Variants in DNAJA4 observed in about 807,000 individuals in gnomAD.
DNAJA4 encodes DnaJ heat shock protein family (Hsp40) member A4, also known as dnaJ homolog subfamily A member 4.
Under a neutral mutation model 39.7 loss-of-function variants are expected in DNAJA4, and 32 were observed. That is an observed-to-expected ratio of 0.81 (90% confidence interval 0.61 to 1.08). DNAJA4 has a LOEUF of 1.08. Among genes scored for constraint, DNAJA4 ranks in the 50% least tolerant of loss-of-function variants. The pLI is 0.00. For missense variants in DNAJA4, 439 were observed against 505.1 expected (o/e 0.87, Z 1.25); for synonymous variants, 184 against 182.4 (o/e 1.01, Z -0.07).
chr15:78,272,703 C>T (rs532573256), intron 2 of DNAJA4, among the ~76,000 whole-genome samples: 14 of 152,340 alleles, frequency 9.2e-5, no homozygotes, highest in African/African-American at 2.9e-4. Flanking sequence ...GAGACTTTGG[C>T]TGCCAAACAT....
chr15:78,265,745 C>T lies in DNAJA4; in HGVS notation c.132+850C>T, dbSNP rs941524801. The T allele has an allele frequency of 8.8e-6, 6 of 680,358 alleles. No homozygotes were observed. The East Asian group carries it at 1.6e-4, about 18-fold the overall frequency. The allele number at this position is 680,358 out of a possible 1,614,324, so 42.1% of individuals were successfully genotyped here. A position where few individuals can be genotyped will look rare whatever the true frequency, so the allele number is the denominator to read the frequency against. On this transcript the variant is annotated intron_variant, in intron 1 of 6. Coordinates refer to ENST00000394852, the MANE Select transcript of DNAJA4 (RefSeq NM_001130182.2). Reference sequence around the variant, plus strand: ...AACCCTCCCGTTCCTCCTTTCACTTCTTGCCATTTTCTTACAAAACTTTGG... The same window carrying T: ...AACCCTCCCGTTCCTCCTTTCACTTTTTGCCATTTTCTTACAAAACTTTGG...
intron 2 of DNAJA4, 63 bp from the exon 3 acceptor site, chr15:78,273,032 G>T: frequency 2.1e-6 from 2 of 945,828 alleles, no homozygotes; most frequent in African/African-American, 1.6e-5. Flanking sequence ...GGTCATATGG[G>T]TGGTATTTAA....
rs1335078736 is a variant in DNAJA4 at position 78,275,670 on chromosome 15, C to T, written c.819C>T (p.Gly273=). The T allele has an allele frequency of 6.2e-7, 1 of 1,613,992 alleles. No individual in the cohort carries two copies. The highest frequency in any genetic ancestry group is 2.2e-5 in the East Asian group (1 of 44,882). ...TTCAGCTTTCTGAAGCTCTTTGTGG[C>T]TTCAAGAAGACGATAAAAACATTGG... is the stretch of plus-strand genomic sequence containing the variant. ...MKIQLSEALC[G]FKKTIKTLDN... The change falls in exon 5 of 7, where the codon GGC becomes GGT. Residue 273 remains glycine (G), a synonymous_variant. Transcript: ENST00000394852.
In DNAJA4 at chr15:78,275,553, G is replaced by A. The variant is rs778599846; in HGVS notation, c.702G>A (p.Glu234=). 1 of 1,614,220 alleles carries A rather than the reference G, an allele frequency of 6.2e-7. No homozygotes were observed. Among genetic ancestry groups the A allele is most frequent in the Non-Finnish European group, 8.5e-7 (1 of 1,180,028 alleles). The change falls in exon 5 of 7, where the codon GAG becomes GAA. Residue 234 remains glutamate, a synonymous_variant. Coordinates refer to ENST00000394852, the MANE Select transcript of DNAJA4 (RefSeq NM_001130182.2). ...LFHGEGDQEP[E]LEPGDVIIVL... ...ATGGAGAAGGAGATCAGGAGCCTGA[G>A]CTGGAGCCTGGTGATGTCATAATTG...
chr15:78,277,761 G>C, intron 5 of DNAJA4: 1 of 329,224 alleles, frequency 3.0e-6, no homozygotes, highest in South Asian at 2.6e-5. Context: ...CCAGCCTAGG[G>C]AGCCGGGAGC....
At chr15:78,264,260 G>T, upstream of DNAJA4, 3 of 1,264,754 alleles carry the variant, frequency 2.4e-6, no homozygotes, top group South Asian at 1.8e-5. Flanking sequence ...GGGGCGGCGG[G>T]ACAGTTGTCG....
At chr15:78,265,424 C>G in intron 1 of DNAJA4, 2 of 699,698 alleles carry the variant, frequency 2.9e-6, no homozygotes, top group Admixed American at 2.0e-5. Flanking sequence ...TGTGCACCTA[C>G]TGCCTACCTG....
At chr15:78,269,671 TTCTCC>T in intron 1 of DNAJA4, among the ~76,000 whole-genome samples, 1 of 152,310 alleles carries the variant, frequency 6.6e-6, no homozygotes, top group South Asian at 2.1e-4. Flanking sequence ...AGATTCACAT[TTCTCC>T]CATTGTTCCA....
intron 5 of DNAJA4, among the ~76,000 whole-genome samples, chr15:78,277,224 G>A (rs1183846124): frequency 1.3e-5 from 2 of 151,972 alleles, no homozygotes; most frequent in Middle Eastern, 3.4e-3. Context: ...TTGCTCTGTC[G>A]CCCAGGCTGG....
chr15:78,276,578 T>C (rs139931272), intron 5 of DNAJA4, among the ~76,000 whole-genome samples: 1,885 of 152,368 alleles, frequency 0.012, 20 homozygotes, highest in Non-Finnish European at 0.018. Flanking sequence ...TGCTTCTGAA[T>C]AGCACTAAGG....
chr15:78,273,285 G>C (rs1391787929), intron 3 of DNAJA4, 86 bp downstream of exon 3: 1 of 875,448 alleles, frequency 1.1e-6, no homozygotes, highest in East Asian at 2.5e-5. Flanking sequence ...GGGAAAATAA[G>C]TTATCTTTTT....
At chr15:78,273,628 C>T (rs2080650927) in intron 3 of DNAJA4, among the ~76,000 whole-genome samples, 2 of 152,068 alleles carry the variant, frequency 1.3e-5, no homozygotes, top group Non-Finnish European at 2.9e-5. Flanking sequence ...TTCACTCTGC[C>T]GTCATAGTAC....
chr15:78,274,789 T>C (rs1158041163), intron 4 of DNAJA4: 5 of 320,866 alleles, frequency 1.6e-5, no homozygotes, highest in Non-Finnish European at 1.8e-5. Flanking sequence ...CTTCTGATGC[T>C]CATTGGCCAT....
intron 2 of DNAJA4, among the ~76,000 whole-genome samples, chr15:78,272,352 A>G (rs1393352402): frequency 6.6e-6 from 1 of 152,008 alleles, no homozygotes; most frequent in Non-Finnish European, 1.5e-5. Context: ...AAAACAAAAC[A>G]AAAAAAACCT....
At chr15:78,266,244 T>G (rs760141748) in intron 1 of DNAJA4, 1 of 1,497,286 alleles carries the variant, frequency 6.7e-7, no homozygotes, top group South Asian at 1.1e-5. Context: ...GCTAAAGACA[T>G]GTGGGAAAGC....
chr15:78,274,239 G>A lies in DNAJA4; in HGVS notation c.461G>A (p.Cys154Tyr), dbSNP rs1224208383. The change falls in exon 4 of 7, where the codon TGC (cysteine) becomes TAC (tyrosine). Residue 154 changes from cysteine (C) to tyrosine (Y), a missense_variant. Transcript: ENST00000394852. Reference protein sequence around the residue: ...KKGSVEKCPLCKGRGMQIHIQ... With the variant: ...KKGSVEKCPLYKGRGMQIHIQ... ...GGATCGGTGGAGAAGTGCCCGCTGT[G>A]CAAGGGGCGGGGGATGCAGATCCAC... The A allele has an allele frequency of 6.2e-7, 1 of 1,614,022 alleles. No individual in the cohort carries two copies. The highest frequency in any genetic ancestry group is 8.5e-7 in the Non-Finnish European group (1 of 1,180,028).
chr15:78,270,517 A>G lies in DNAJA4; in HGVS notation c.153A>G (p.Ala51=). ...TAAAGTTTAAACTCATATCCCAGGCATATGAAGTGCTTTCAGATCCAAAGA... is the reference window on the plus strand; with the variant it reads ...TAAAGTTTAAACTCATATCCCAGGCGTATGAAGTGCTTTCAGATCCAAAGA... ...EGEKFKLISQ[A]YEVLSDPKKR... Residue 51 remains alanine (A), a synonymous_variant, in exon 2 of 7, where the codon GCA becomes GCG. Coordinates refer to ENST00000394852, the MANE Select transcript of DNAJA4 (RefSeq NM_001130182.2). 4 of 1,614,096 alleles carry G rather than the reference A, an allele frequency of 2.5e-6. No homozygotes were observed. Among genetic ancestry groups the G allele is most frequent in the South Asian group, 1.1e-5 (1 of 91,036 alleles).
chr15:78,278,154 G>A (rs1269682779), intron 5 of DNAJA4: 2 of 455,952 alleles, frequency 4.4e-6, no homozygotes, highest in East Asian at 6.9e-5. Context: ...GGCCCTGCCT[G>A]CAGGCAGGTA....
Position 78,273,140 on chromosome 15 carries a change from A to G in DNAJA4, c.359A>G (p.Tyr120Cys). The G allele has an allele frequency of 6.2e-7, 1 of 1,607,100 alleles. No individual in the cohort carries two copies. The highest frequency in any genetic ancestry group is 8.5e-7 in the Non-Finnish European group (1 of 1,174,394). The stretch of plus-strand genomic sequence containing the variant: ...TTATCTGTAACTCTTGAAGATCTAT[A>G]TAATGGAGTCACGAAGAAATTGGCC... ...HQLSVTLEDL[Y>C]NGVTKKLALQ... Residue 120 changes from tyrosine (Y) to cysteine (C), a missense_variant, in exon 3 of 7, where the codon TAT becomes TGT. Transcript: ENST00000394852.
Sources: gnomAD v4.1 joint callset for allele counts (sites outside exome capture counted in the v4.1 genomes callset) on GRCh38, gnomAD v4.1.1 for gene constraint, MANE v1.5 for transcripts, NCBI Gene and HGNC (gene_info 2026-07-23, HGNC 2026-07-21) for gene names.